Variants in LMX1A observed in about 807,000 individuals in gnomAD.
LMX1A encodes LIM homeobox transcription factor 1-alpha.
A neutral mutation model predicts 49.1 loss-of-function variants in LMX1A; 15 were observed. The observed-to-expected ratio is 0.31, with a 90% CI of 0.20 to 0.47. The LOEUF is 0.47. Ranked by LOEUF, LMX1A falls within the 20% of genes least tolerant of loss-of-function variation. The pLI is 1.00. For synonymous variants in LMX1A, 167 were observed against 185.7 expected (o/e 0.90, Z 0.82); for missense variants, 372 against 475.8 (o/e 0.78, Z 2.03).
intron 3 of LMX1A, among the ~76,000 whole-genome samples, chr1:165,335,504 TA>T (rs1327545044): frequency 6.6e-6 from 1 of 152,018 alleles, no homozygotes; most frequent in Non-Finnish European, 1.5e-5. Context: ...GCCTCTTAAA[TA>T]CAGTATGATT....
chr1:165,223,865 A>G (rs571852700), intron 4 of LMX1A, among the ~76,000 whole-genome samples: 10 of 151,936 alleles, frequency 6.6e-5, no homozygotes, highest in African/African-American at 2.4e-4. Flanking sequence ...GTTTTGACCT[A>G]CTTCTGGAGG....
intron 3 of LMX1A, among the ~76,000 whole-genome samples, chr1:165,303,050 TG>T (rs1363174178): frequency 6.6e-6 from 1 of 152,250 alleles, no homozygotes; most frequent in Non-Finnish European, 1.5e-5. Flanking sequence ...CATTATAAAT[TG>T]CTTCAAATCT....
At chr1:165,255,209 G>T (rs1385616935) in intron 3 of LMX1A, among the ~76,000 whole-genome samples, 1 of 152,234 alleles carries the variant, frequency 6.6e-6, no homozygotes, top group Non-Finnish European at 1.5e-5. Flanking sequence ...ACAAAGAAGA[G>T]ACCTATGCGC....
At chr1:165,280,124 C>A (rs537539298) in intron 3 of LMX1A, among the ~76,000 whole-genome samples, 1 of 152,224 alleles carries the variant, frequency 6.6e-6, no homozygotes, top group African/African-American at 2.4e-5. Flanking sequence ...CAAAGGCAGC[C>A]AACTTAGCTG....
At chr1:165,306,163 C>T (rs777719079) in intron 3 of LMX1A, among the ~76,000 whole-genome samples, 1 of 152,186 alleles carries the variant, frequency 6.6e-6, no homozygotes, top group Non-Finnish European at 1.5e-5. Context: ...TTCTTCCTCC[C>T]ACCTGTTCAT....
intron 3 of LMX1A, among the ~76,000 whole-genome samples, chr1:165,320,158 G>A (rs566328197): frequency 6.6e-6 from 1 of 152,184 alleles, no homozygotes; most frequent in Non-Finnish European, 1.5e-5. Flanking sequence ...TTTGATAAGT[G>A]TCTGTTCATG....
At chr1:165,288,634 A>T (rs895442106) in intron 3 of LMX1A, among the ~76,000 whole-genome samples, 5 of 152,190 alleles carry the variant, frequency 3.3e-5, no homozygotes, top group Admixed American at 3.3e-4. Context: ...CCTTTATTAC[A>T]ACAGAAAATG....
At chr1:165,280,672 T>A (rs1043517552) in intron 3 of LMX1A, among the ~76,000 whole-genome samples, 1 of 152,206 alleles carries the variant, frequency 6.6e-6, no homozygotes, top group Non-Finnish European at 1.5e-5. Context: ...CTAGTAGGCA[T>A]GCATTTGTGG....
intron 3 of LMX1A, among the ~76,000 whole-genome samples, chr1:165,340,708 T>A (rs1358577521): frequency 6.6e-6 from 1 of 152,192 alleles, no homozygotes; most frequent in African/African-American, 2.4e-5. Context: ...CACCTGACTG[T>A]CCCACCAGTA....
At chr1:165,302,813 G>A (rs1046157086) in intron 3 of LMX1A, among the ~76,000 whole-genome samples, 13 of 152,158 alleles carry the variant, frequency 8.5e-5, no homozygotes, top group Admixed American at 7.9e-4. Flanking sequence ...TTCTCTCTAG[G>A]TATGTGAGGA....
At chr1:165,288,978 T>C (rs1654380631) in intron 3 of LMX1A, among the ~76,000 whole-genome samples, 1 of 152,186 alleles carries the variant, frequency 6.6e-6, no homozygotes, top group Non-Finnish European at 1.5e-5. Context: ...GCAGAGTGAA[T>C]CATCAGAGCT....
intron 3 of LMX1A, among the ~76,000 whole-genome samples, chr1:165,325,594 A>C (rs1467017738): frequency 6.6e-6 from 1 of 152,106 alleles, no homozygotes; most frequent in East Asian, 1.9e-4. Context: ...TCCTCTTCTC[A>C]GTTAATTACC....
intron 4 of LMX1A, among the ~76,000 whole-genome samples, chr1:165,242,929 C>CAAAAAAAAAAAAAAAAAA (rs35937155): frequency 6.1e-5 from 7 of 115,154 alleles, no homozygotes; most frequent in African/African-American, 9.9e-5. Flanking sequence ...AACTCCACCT[C>CAAAAAAAAAAAAAAAAAA]AAAAAAAAAA....
chr1:165,282,234 T>C (rs1379362751), intron 3 of LMX1A, among the ~76,000 whole-genome samples: 2 of 152,208 alleles, frequency 1.3e-5, no homozygotes, highest in Non-Finnish European at 2.9e-5. Flanking sequence ...TCCAAACTCA[T>C]GCTATCCAAT....
chr1:165,339,438 C>T (rs1429606546), intron 3 of LMX1A, among the ~76,000 whole-genome samples: 1 of 151,166 alleles, frequency 6.6e-6, no homozygotes, highest in Non-Finnish European at 1.5e-5. Context: ...TGGTGGTATA[C>T]TTCTGACAAC....
At chr1:165,354,788 G>A (rs190736095) in intron 2 of LMX1A, among the ~76,000 whole-genome samples, 51 of 152,348 alleles carry the variant, frequency 3.3e-4, no homozygotes, top group African/African-American at 1.2e-3. Flanking sequence ...AAAGCTCCAA[G>A]GGCAGAGTGG....
chr1:165,276,264 T>G (rs1196671899), intron 3 of LMX1A, among the ~76,000 whole-genome samples: 1 of 152,196 alleles, frequency 6.6e-6, no homozygotes, highest in African/African-American at 2.4e-5. Flanking sequence ...AGAGAGGTCT[T>G]GAATGCTGAG....
chr1:165,248,289 T>C (rs1652929791), intron 4 of LMX1A, among the ~76,000 whole-genome samples: 1 of 151,450 alleles, frequency 6.6e-6, no homozygotes, highest in Non-Finnish European at 1.5e-5. Flanking sequence ...AAGGCTGGAG[T>C]GAAGGGTGGG....
At chr1:165,335,633 T>A (rs938315444) in intron 3 of LMX1A, among the ~76,000 whole-genome samples, 1 of 152,166 alleles carries the variant, frequency 6.6e-6, no homozygotes, top group African/African-American at 2.4e-5. Flanking sequence ...AAGGTAAACA[T>A]AAGCCTCCTT....
Sources: gnomAD v4.1 joint callset for allele counts (sites outside exome capture counted in the v4.1 genomes callset) on GRCh38, gnomAD v4.1.1 for gene constraint, MANE v1.5 for transcripts, NCBI Gene and HGNC (gene_info 2026-07-23, HGNC 2026-07-21) for gene names.